KIAA1671: variants seen among roughly 807,000 people sequenced by gnomAD.
The protein encoded by KIAA1671 is uncharacterized protein KIAA1671.
KIAA1671 carries 52 observed loss-of-function variants against 131.2 expected under a neutral mutation model. That is an observed-to-expected ratio of 0.40 (90% CI 0.32 to 0.50). The LOEUF (loss-of-function observed/expected upper bound fraction) is 0.50. Among genes scored for constraint, KIAA1671 ranks in the 20% least tolerant of loss-of-function variants. The pLI is 0.73. For missense variants in KIAA1671, 2,360 were observed against 2,364.2 expected, an observed-to-expected ratio of 1.00 and a Z score of 0.04; for synonymous variants, 1,003 against 961.6, an observed-to-expected ratio of 1.04 and a Z score of -0.80.
chr22:25,082,051 T>G (rs1170055635), intron 6 of KIAA1671, among the ~76,000 whole-genome samples: 4 of 152,112 alleles, frequency 2.6e-5, no homozygotes, highest in Admixed American at 6.5e-5. Context: ...CCGTGCCCTC[T>G]ACCCGCACTG....
chr22:24,961,438 C>T (rs993042356), intron 1 of KIAA1671, among the ~76,000 whole-genome samples: 4 of 152,234 alleles, frequency 2.6e-5, no homozygotes, highest in African/African-American at 9.6e-5. Context: ...ACATCTCCTA[C>T]ATCGCAGTGG....
intron 6 of KIAA1671, among the ~76,000 whole-genome samples, chr22:25,149,871 C>T (rs538705155): frequency 1.0e-3 from 159 of 152,308 alleles, no homozygotes; most frequent in African/African-American, 3.7e-3. Flanking sequence ...AATTCTTAGT[C>T]TTCATTAAAG....
chr22:25,158,186 T>C (rs1049366179), intron 6 of KIAA1671, among the ~76,000 whole-genome samples: 14 of 152,306 alleles, frequency 9.2e-5, no homozygotes, highest in Admixed American at 7.2e-4. Context: ...TAAGGACATA[T>C]ATAAAAGCAG....
chr22:25,087,103 T>A (rs1417949676), intron 6 of KIAA1671, among the ~76,000 whole-genome samples: 1 of 151,760 alleles, frequency 6.6e-6, no homozygotes, highest in Non-Finnish European at 1.5e-5. Context: ...AGCCTCAGTT[T>A]TTCTCATCTG....
At chr22:24,969,380 A>C (rs1047608007) in intron 1 of KIAA1671, among the ~76,000 whole-genome samples, 3 of 152,208 alleles carry the variant, frequency 2.0e-5, no homozygotes, top group African/African-American at 7.2e-5. Flanking sequence ...TCTCTAGATT[A>C]CTTATGATAC....
chr22:24,959,186 A>C (rs1298126412), intron 1 of KIAA1671, among the ~76,000 whole-genome samples: 1 of 151,440 alleles, frequency 6.6e-6, no homozygotes, highest in Non-Finnish European at 1.5e-5. Flanking sequence ...TAAATACATA[A>C]AAATTTAAAA....
At chr22:25,045,830 G>A (rs12165924) in intron 5 of KIAA1671, among the ~76,000 whole-genome samples, 37,988 of 151,964 alleles carry the variant, frequency 0.25, 7,147 homozygotes, top group African/African-American at 0.53. Flanking sequence ...GCCTCAAGCA[G>A]TCTACCTGTC....
chr22:25,175,598 CAT>C (rs1229769006), intron 8 of KIAA1671: 3 of 152,220 alleles, frequency 2.0e-5, no homozygotes, highest in Non-Finnish European at 4.4e-5. Context: ...ACTCAACAGA[CAT>C]GTATTGAGAT....
chr22:25,142,429 A>G (rs1051471900), intron 6 of KIAA1671, among the ~76,000 whole-genome samples: 1 of 152,160 alleles, frequency 6.6e-6, no homozygotes, highest in Non-Finnish European at 1.5e-5. Context: ...GCTCTTCCCC[A>G]ACAATTCCAT....
intron 6 of KIAA1671, among the ~76,000 whole-genome samples, chr22:25,097,736 TAA>T (rs11430695): frequency 1.4e-5 from 2 of 142,758 alleles, no homozygotes; most frequent in South Asian, 4.4e-4. Context: ...CGAGACTCCA[TAA>T]AAAAAAAAAA....
intron 6 of KIAA1671, among the ~76,000 whole-genome samples, chr22:25,071,705 A>T (rs567004938): frequency 6.6e-6 from 1 of 152,238 alleles, no homozygotes; most frequent in Non-Finnish European, 1.5e-5. Flanking sequence ...TGCAGAGATG[A>T]CTAAGATACA....
At chr22:25,065,727 C>T (rs1032421607) in intron 6 of KIAA1671, among the ~76,000 whole-genome samples, 3 of 151,360 alleles carry the variant, frequency 2.0e-5, no homozygotes, top group Admixed American at 6.6e-5. Context: ...GCAACCTCCA[C>T]CTCCCGGATT....
chr22:25,153,535 C>A (rs571317440), intron 6 of KIAA1671, among the ~76,000 whole-genome samples: 23 of 152,304 alleles, frequency 1.5e-4, no homozygotes, highest in African/African-American at 5.1e-4. Context: ...CCTGAAAAGT[C>A]CTGAGTTGGA....
intron 6 of KIAA1671, among the ~76,000 whole-genome samples, chr22:25,097,413 A>G (rs1387356364): frequency 2.0e-5 from 3 of 152,168 alleles, no homozygotes; most frequent in African/African-American, 7.2e-5. Context: ...TCGGCAAACT[A>G]TGGCCTGTGA....
intron 1 of KIAA1671, among the ~76,000 whole-genome samples, chr22:24,968,578 A>G (rs1200459757): frequency 6.6e-6 from 1 of 152,056 alleles, no homozygotes; most frequent in African/African-American, 2.4e-5. Context: ...CCTGGCTGGG[A>G]GCTCTTAGCA....
At chr22:24,973,415 T>TC in intron 1 of KIAA1671, among the ~76,000 whole-genome samples, 2 of 125,098 alleles carry the variant, frequency 1.6e-5, no homozygotes, top group Non-Finnish European at 3.4e-5. Context: ...TTTTTTTTTT[T>TC]TGAGACGGAG....
intron 1 of KIAA1671, among the ~76,000 whole-genome samples, chr22:25,002,116 A>G (rs1255022873): frequency 6.6e-6 from 1 of 152,140 alleles, no homozygotes; most frequent in Non-Finnish European, 1.5e-5. Flanking sequence ...GTCCTGCCCT[A>G]AAAAACGAGC....
At chr22:24,955,955 G>A (rs1245718609) in intron 1 of KIAA1671, among the ~76,000 whole-genome samples, 2 of 151,534 alleles carry the variant, frequency 1.3e-5, no homozygotes, top group Non-Finnish European at 2.9e-5. Context: ...AACCGGGGAG[G>A]CGGAGCTTGC....
chr22:25,097,978 G>T (rs533882296), intron 6 of KIAA1671, among the ~76,000 whole-genome samples: 1 of 152,088 alleles, frequency 6.6e-6, no homozygotes, highest in Non-Finnish European at 1.5e-5. Flanking sequence ...TCAGGAGCCC[G>T]GACAACATCC....
Sources: gnomAD v4.1 joint callset for allele counts (sites outside exome capture counted in the v4.1 genomes callset) on GRCh38, gnomAD v4.1.1 for gene constraint, MANE v1.5 for transcripts, NCBI Gene and HGNC (gene_info 2026-07-23, HGNC 2026-07-21) for gene names.